CDH13: variants seen among roughly 807,000 people sequenced by gnomAD.
CDH13 encodes cadherin 13, also known as cadherin-13.
In CDH13, 24 loss-of-function variants were observed where a neutral mutation model predicts 63.8. That is an observed-to-expected ratio of 0.38 (90% CI 0.27 to 0.53). The LOEUF is 0.53. Ranked by LOEUF, CDH13 falls within the 20% of genes least tolerant of loss-of-function variation. The pLI is 0.85. For missense variants in CDH13, 1,049 were observed against 903.1 expected, an observed-to-expected ratio of 1.16 and a Z score of -2.07; for synonymous variants, 503 against 355.3, an observed-to-expected ratio of 1.42 and a Z score of -4.67.
At chr16:83,705,515 G>C (rs898480201) in intron 10 of CDH13, among the ~76,000 whole-genome samples, 2 of 152,044 alleles carry the variant, frequency 1.3e-5, no homozygotes, top group Non-Finnish European at 2.9e-5. Flanking sequence ...CCAGCTACTC[G>C]GGAGGCTGAG....
At chr16:82,819,765 C>T (rs2037911026) in intron 1 of CDH13, among the ~76,000 whole-genome samples, 1 of 152,126 alleles carries the variant, frequency 6.6e-6, no homozygotes, top group African/African-American at 2.4e-5. Flanking sequence ...AGTTTTTAGG[C>T]ACTTGGAATA....
At chr16:83,236,077 C>T (rs2040133487) in intron 5 of CDH13, among the ~76,000 whole-genome samples, 2 of 152,118 alleles carry the variant, frequency 1.3e-5, no homozygotes, top group African/African-American at 4.8e-5. Context: ...CTATTTTAAG[C>T]CTGGTAGAAG....
intron 3 of CDH13, among the ~76,000 whole-genome samples, chr16:83,058,853 C>A (rs1026423304): frequency 1.3e-5 from 2 of 152,220 alleles, no homozygotes; most frequent in African/African-American, 4.8e-5. Flanking sequence ...GATTATCTCT[C>A]TTCCAGGACT....
chr16:83,226,696 A>T (rs2151798260), intron 5 of CDH13, among the ~76,000 whole-genome samples: 2 of 152,314 alleles, frequency 1.3e-5, no homozygotes, highest in Non-Finnish European at 2.9e-5. Context: ...CAAGAGCCTT[A>T]GACCCATTTT....
In CDH13 at chr16:83,325,452, C is replaced by T. The variant is rs555418551; in HGVS notation, c.637-19410C>T. ...TAGCATATGGGTTGGAAAACGTTTT[C>T]TGTAAAAGGCCAGATAACAGGTACT... On this transcript the variant is annotated intron_variant, in intron 5 of 13. Transcript: ENST00000567109. Among the ~76,000 whole-genome samples, 5 of 152,250 alleles carry T rather than the reference C, an allele frequency of 3.3e-5. No individual in the cohort carries two copies. In the East Asian group the frequency reaches 9.7e-4, roughly 29 times the overall value.
At chr16:83,006,889 C>T (rs1913555948) in intron 2 of CDH13, among the ~76,000 whole-genome samples, 1 of 119,138 alleles carries the variant, frequency 8.4e-6, no homozygotes, top group African/African-American at 3.2e-5. Flanking sequence ...CTTCAAAACA[C>T]CCAGTTTTGA....
In CDH13 at chr16:83,245,479, C is replaced by T. The variant is rs1331373868; in HGVS notation, c.636+27982C>T. On this transcript the variant is annotated intron_variant, in intron 5 of 13. Coordinates refer to ENST00000567109, the MANE Select transcript of CDH13 (RefSeq NM_001257.5). ...AAGCTAAGGAAAGCAAGTGCTGAAG[C>T]CGCACTGGCCTCCTTTGGAAAGTAA... Among the ~76,000 whole-genome samples the T allele has an allele frequency of 2.0e-5, 3 of 152,236 alleles. No homozygotes were observed. The East Asian group carries it at 5.8e-4, about 29-fold the overall frequency.
At chr16:83,000,223 A>ATTTTTTTGTTTTTT (rs1912729471) in intron 2 of CDH13, among the ~76,000 whole-genome samples, 1 of 36,986 alleles carries the variant, frequency 2.7e-5, no homozygotes, top group Non-Finnish European at 6.0e-5. Context: ...GGTTTAGCTT[A>ATTTTTTTGTTTTTT]TTTTTTTTTT....
intron 10 of CDH13, among the ~76,000 whole-genome samples, chr16:83,736,997 G>T (rs1187608327): frequency 1.3e-5 from 2 of 152,164 alleles, no homozygotes; most frequent in East Asian, 1.9e-4. Flanking sequence ...GCCAGGGAAG[G>T]CTCGGTGCAC....
At chr16:82,824,101 A>G (rs1228122381) in intron 1 of CDH13, 1 of 152,198 alleles carries the variant, frequency 6.6e-6, no homozygotes, top group Non-Finnish European at 1.5e-5. Flanking sequence ...ATGAGATGTC[A>G]TTAGGGTCAT....
intron 7 of CDH13, among the ~76,000 whole-genome samples, chr16:83,511,385 C>G (rs907232540): frequency 3.3e-5 from 5 of 151,924 alleles, no homozygotes; most frequent in South Asian, 2.1e-4. Context: ...TTGCTTGAAC[C>G]AGGGAGGCCA....
intron 3 of CDH13, among the ~76,000 whole-genome samples, chr16:83,112,040 T>C (rs541400372): frequency 2.6e-5 from 4 of 152,224 alleles, no homozygotes; most frequent in African/African-American, 9.7e-5. Flanking sequence ...GAAAAAAGTT[T>C]CCAGAGTTCT....
At chr16:82,986,565 C>T (rs1308206302) in intron 2 of CDH13, among the ~76,000 whole-genome samples, 1 of 152,192 alleles carries the variant, frequency 6.6e-6, no homozygotes, top group African/African-American at 2.4e-5. Flanking sequence ...CTGCTCTAAG[C>T]TGGGCCTCTG....
chr16:82,834,761 A>T (rs536322920), intron 1 of CDH13, among the ~76,000 whole-genome samples: 2 of 152,308 alleles, frequency 1.3e-5, no homozygotes, highest in Admixed American at 1.3e-4. Context: ...GCACAATATT[A>T]TGCTCTGGAA....
At chr16:82,792,398 CTTAGCATCTGATAAA>C (rs937622229) in intron 1 of CDH13, among the ~76,000 whole-genome samples, 3 of 152,126 alleles carry the variant, frequency 2.0e-5, no homozygotes, top group Non-Finnish European at 4.4e-5. Context: ...ATATATCCCT[CTTAGCATCTGATAAA>C]AAAAAGATCA....
intron 8 of CDH13, among the ~76,000 whole-genome samples, chr16:83,603,322 A>T (rs1300618088): frequency 6.6e-6 from 1 of 152,232 alleles, no homozygotes; most frequent in Non-Finnish European, 1.5e-5. Context: ...AGTGAAGAAT[A>T]TGGAATAGGT....
chr16:83,711,001 C>T (rs181754115), intron 10 of CDH13, among the ~76,000 whole-genome samples: 3 of 152,118 alleles, frequency 2.0e-5, no homozygotes, highest in African/African-American at 7.2e-5. Flanking sequence ...CTGGGGAAGC[C>T]CCGCAGGCTG....
At chr16:83,538,402 G>A (rs1428510102) in intron 7 of CDH13, among the ~76,000 whole-genome samples, 3 of 152,088 alleles carry the variant, frequency 2.0e-5, no homozygotes, top group African/African-American at 7.2e-5. Flanking sequence ...GACCAGTTAA[G>A]ACAGACCAAC....
intron 3 of CDH13, among the ~76,000 whole-genome samples, chr16:83,075,268 A>T (rs1225974022): frequency 6.6e-6 from 1 of 152,016 alleles, no homozygotes; most frequent in African/African-American, 2.4e-5. Context: ...AAAGAGTTTC[A>T]CCCCAGTTCT....
Sources: gnomAD v4.1 joint callset for allele counts (sites outside exome capture counted in the v4.1 genomes callset) on GRCh38, gnomAD v4.1.1 for gene constraint, MANE v1.5 for transcripts, NCBI Gene and HGNC (gene_info 2026-07-23, HGNC 2026-07-21) for gene names.